IKBIP: variants seen among roughly 807,000 people sequenced by gnomAD.
IKBIP encodes IKBKB interacting protein.
A neutral mutation model predicts 31.0 loss-of-function variants in IKBIP; 28 were observed. That is an observed-to-expected ratio of 0.90 (90% CI 0.67 to 1.24). IKBIP has a LOEUF of 1.24. Ranked by LOEUF, IKBIP falls within the 50% of genes most tolerant of loss-of-function variation. The pLI is 0.00. For synonymous variants in IKBIP, 164 were observed against 160.3 expected (o/e 1.02, Z -0.17); for missense variants, 453 against 441.9 (o/e 1.03, Z -0.23).
At chr12:98,613,474 T>C (rs1461746907) in exon 3 of IKBIP, 1 of 602,992 alleles carries the variant, frequency 1.7e-6, no homozygotes, top group Non-Finnish European at 2.7e-6. Flanking sequence ...CAAAATAGGA[T>C]TAAATATAAA....
At chr12:98,633,183 G>A (rs1483686451) in intron 2 of IKBIP, among the ~76,000 whole-genome samples, 1 of 152,098 alleles carries the variant, frequency 6.6e-6, no homozygotes, top group Non-Finnish European at 1.5e-5. Context: ...TGCTTACCTT[G>A]TGACATGAGC....
intron 2 of IKBIP, among the ~76,000 whole-genome samples, chr12:98,614,928 G>A (rs1053199707): frequency 3.3e-5 from 5 of 152,182 alleles, no homozygotes; most frequent in East Asian, 1.9e-4. Flanking sequence ...CTTCTGTACA[G>A]TAATAAAATG....
intron 2 of IKBIP, among the ~76,000 whole-genome samples, chr12:98,628,239 C>G (rs1027903707): frequency 7.9e-5 from 12 of 152,228 alleles, no homozygotes; most frequent in Admixed American, 2.6e-4. Context: ...GCTATGGAAG[C>G]ACTCAGGTGG....
intron 2 of IKBIP, among the ~76,000 whole-genome samples, chr12:98,633,322 T>C (rs1026631122): frequency 6.6e-6 from 1 of 152,068 alleles, no homozygotes; most frequent in African/African-American, 2.4e-5. Context: ...TCCTGAGAGG[T>C]GTGGGAGTTA....
At chr12:98,627,103 G>C (rs996446008) in intron 2 of IKBIP, among the ~76,000 whole-genome samples, 1 of 151,908 alleles carries the variant, frequency 6.6e-6, no homozygotes, top group Middle Eastern at 3.4e-3. Context: ...TGAGTAGCTG[G>C]GATTACAGGT....
At chr12:98,621,717 G>C (rs1425972743), downstream of IKBIP, among the ~76,000 whole-genome samples, 1 of 152,120 alleles carries the variant, frequency 6.6e-6, no homozygotes, top group Admixed American at 6.6e-5. Flanking sequence ...AGCTAGTAAA[G>C]GTGTAGTAAG....
At chr12:98,616,304 T>A (rs1291782144) in intron 2 of IKBIP, among the ~76,000 whole-genome samples, 2 of 152,192 alleles carry the variant, frequency 1.3e-5, no homozygotes, top group East Asian at 3.8e-4. Context: ...TTTTGAGAAA[T>A]GTCTATTCAT....
intron 2 of IKBIP, among the ~76,000 whole-genome samples, chr12:98,629,221 T>C (rs1367258022): frequency 6.6e-6 from 1 of 152,206 alleles, no homozygotes; most frequent in Non-Finnish European, 1.5e-5. Flanking sequence ...CAAGAATGAC[T>C]AACACCACTC....
intron 2 of IKBIP, among the ~76,000 whole-genome samples, chr12:98,632,461 A>G (rs2097621119): frequency 8.6e-6 from 1 of 116,852 alleles, no homozygotes; most frequent in Non-Finnish European, 1.7e-5. Context: ...GAGAGCTGGG[A>G]TGACAGGGAG....
rs563000523 is a variant in IKBIP, at chr12:98,633,672, C to T, written c.297+624G>A. On this transcript the variant is annotated intron_variant, in intron 2 of 2. Transcript: ENST00000299157. ...GCTGGGATTACAGGCGTGTGCACCA[C>T]GCCCAGCTAATTTTTGTATTTTTAC... is the stretch of plus-strand genomic sequence containing the variant. Among the ~76,000 whole-genome samples, 12 of 151,826 alleles carry T rather than the reference C, an allele frequency of 7.9e-5. No individual in the cohort carries two copies. The South Asian group carries it at 2.1e-3, about 26-fold the overall frequency.
chr12:98,634,532 A>AT, intron 1 of IKBIP, 119 bp from the exon 2 acceptor site: 5 of 420,178 alleles, frequency 1.2e-5, no homozygotes, highest in Non-Finnish European at 1.7e-5. Context: ...GGGTAGCTGT[A>AT]GGTTTTTTTT....
At chr12:98,618,470 CA>C (rs552443151) in intron 2 of IKBIP, among the ~76,000 whole-genome samples, 1 of 151,488 alleles carries the variant, frequency 6.6e-6, no homozygotes, top group African/African-American at 2.4e-5. Context: ...ACTAAAAATA[CA>C]AAAAATTAGC....
chr12:98,639,646 T>G lies in IKBIP; in HGVS notation c.179+4877A>C, dbSNP rs567249232. On this transcript the variant is annotated intron_variant, in intron 1 of 2. Coordinates refer to ENST00000299157, the MANE Select transcript of IKBIP (RefSeq NM_153687.4). ...TACAGTGCATGGTGGTAATTAATGG[T>G]GTGTGTTGCCTCTGAATAGCTCCTT... Among the ~76,000 whole-genome samples, 5 of 152,332 alleles carry G rather than the reference T, an allele frequency of 3.3e-5. 1 individual carries two copies. The highest frequency in any genetic ancestry group is 1.2e-4 in the African/African-American group (5 of 41,586).
chr12:98,622,756 T>TA (rs1391334866), downstream of IKBIP, among the ~76,000 whole-genome samples: 2 of 152,168 alleles, frequency 1.3e-5, no homozygotes, highest in African/African-American at 4.8e-5. Flanking sequence ...ATAATACTAC[T>TA]AATTTTGCAT....
rs2097614062 is a variant in IKBIP, at chr12:98,626,173, C to T, written c.891G>A (p.Met297Ile). Reference protein sequence around the residue: ...SQDLIETEKKMEDLTMQMFNM... With the variant: ...SQDLIETEKKIEDLTMQMFNM... Reference sequence around the variant, plus strand: ...TAAACATCTGCATAGTCAAGTCTTCCATTTTCTTTTCTGTTTCTATCAGAT... The same window carrying T: ...TAAACATCTGCATAGTCAAGTCTTCTATTTTCTTTTCTGTTTCTATCAGAT... Residue 297 changes from methionine (M) to isoleucine (I), a missense_variant, in exon 3 of 3, where the codon ATG becomes ATA. By Grantham distance (10) the Met-to-Ile change is conservative (BLOSUM62 1). Coordinates refer to ENST00000299157, the MANE Select transcript of IKBIP (RefSeq NM_153687.4). 3 of 1,613,694 alleles carry T rather than the reference C, an allele frequency of 1.9e-6. No homozygotes were observed. In the South Asian group the frequency reaches 3.3e-5, roughly 18 times the overall value.
intron 1 of IKBIP, among the ~76,000 whole-genome samples, chr12:98,637,480 C>T (rs757006956): frequency 6.6e-6 from 1 of 152,162 alleles, no homozygotes; most frequent in Non-Finnish European, 1.5e-5. Context: ...ACGATTTTGG[C>T]TTACTGCAAC....
At chr12:98,622,513 C>T (rs112476635), downstream of IKBIP, among the ~76,000 whole-genome samples, 3 of 152,094 alleles carry the variant, frequency 2.0e-5, no homozygotes, top group Non-Finnish European at 4.4e-5. Context: ...CAGAGTGAGA[C>T]CCTGTCCCAA....
exon 3 of IKBIP, chr12:98,613,727 C>A (rs753972521): frequency 1.2e-6 from 2 of 1,612,590 alleles, no homozygotes; most frequent in South Asian, 2.2e-5. Context: ...TCTCCCAATG[C>A]GTAGTGTTAA....
rs779002438 is a variant in IKBIP, at chr12:98,636,223, C to T, written c.180-1810G>A. On this transcript the variant is annotated intron_variant, in intron 1 of 2. Transcript: ENST00000299157. Reference sequence around the variant, plus strand: ...TTTGCTACATATTGTAATAACCTGGCAGCTTTAACAAATCTGATGCCTGGG... The same window carrying T: ...TTTGCTACATATTGTAATAACCTGGTAGCTTTAACAAATCTGATGCCTGGG... 2.0e-5 allele frequency among the ~76,000 whole-genome samples: 3 copies of T among 152,302 alleles called. 1 individual carries two copies. In the East Asian group the frequency reaches 5.8e-4, roughly 29 times the overall value.
Sources: allele counts gnomAD v4.1 joint callset (sites outside exome capture counted in the v4.1 genomes callset), GRCh38; gene constraint gnomAD v4.1.1; transcripts MANE v1.5; gene names NCBI Gene and HGNC (gene_info 2026-07-23, HGNC 2026-07-21).